Variants in RASSF3 observed in about 807,000 individuals in gnomAD.
The protein encoded by RASSF3 is Ras association domain family member 3, also known as ras association domain-containing protein 3.
A neutral mutation model predicts 19.9 loss-of-function variants in RASSF3; 19 were observed. That is an observed-to-expected ratio of 0.96 (90% confidence interval 0.67 to 1.40). The LOEUF (loss-of-function observed/expected upper bound fraction) is 1.40, where lower values mean the gene tolerates loss of function less well. Among genes scored for constraint, RASSF3 ranks in the 40% most tolerant of loss-of-function variants. The pLI is 0.00. For missense variants in RASSF3, 306 were observed against 289.8 expected (o/e 1.06, Z -0.41); for synonymous variants, 110 against 104.2 (o/e 1.06, Z -0.34).
At chr12:64,665,242 T>G (rs1872508434) in intron 1 of RASSF3, among the ~76,000 whole-genome samples, 1 of 152,206 alleles carries the variant, frequency 6.6e-6, no homozygotes, top group Non-Finnish European at 1.5e-5. Flanking sequence ...CATTTTCTCT[T>G]TTGTGAAATA....
At chr12:64,582,421 A>T (rs573077130) in intron 2 of RASSF3, among the ~76,000 whole-genome samples, 2 of 152,324 alleles carry the variant, frequency 1.3e-5, no homozygotes, top group African/African-American at 4.8e-5. Context: ...TAATTTCATA[A>T]ATCATTGTGC....
chr12:64,689,791 C>CTTATTTTTTTTTTTTTT (rs1868255213), intron 3 of RASSF3, among the ~76,000 whole-genome samples: 1 of 96,556 alleles, frequency 1.0e-5, no homozygotes, highest in Non-Finnish European at 2.0e-5. Context: ...TTCGCTAATT[C>CTTATTTTTTTTTTTTTT]TTTTTTTTTT....
At chr12:64,522,112 G>T (rs1868490571) in intron 1 of RASSF3, among the ~76,000 whole-genome samples, 1 of 152,224 alleles carries the variant, frequency 6.6e-6, no homozygotes, top group South Asian at 2.1e-4. Flanking sequence ...GATGCTTTTG[G>T]AAATGAACTG....
In RASSF3 at chr12:64,610,738, C is replaced by G. The variant is rs771517465; in HGVS notation, c.106C>G (p.Gln36Glu). ...GCCCCAGGGCAAGCCCCGCTCCGGC[C>G]AACAAGTGAGTGGCGCGCGGCGGGC... is the stretch of plus-strand genomic sequence containing the variant. The part of the protein sequence containing the change: ...RAPQGKPRSG[Q>E]QDVEKEKETH... The change falls in exon 1 of 5, where the codon CAA (glutamine) becomes GAA (glutamate). Residue 36 changes from glutamine (Q) to glutamate (E), a missense_variant. Gln to Glu is a conservative substitution (Grantham distance 29). Transcript: ENST00000542104. The G allele has an allele frequency of 6.3e-7, 1 of 1,584,322 alleles. No individual in the cohort carries two copies. Among genetic ancestry groups the G allele is most frequent in the Non-Finnish European group, 8.6e-7 (1 of 1,166,512 alleles).
intron 1 of RASSF3, among the ~76,000 whole-genome samples, chr12:64,657,106 T>G (rs901033568): frequency 4.0e-5 from 6 of 150,872 alleles, no homozygotes; most frequent in African/African-American, 1.5e-4. Flanking sequence ...ATCAACCAGG[T>G]TCAAGCGATT....
chr12:64,674,638 GA>G (rs1872816600), intron 1 of RASSF3, among the ~76,000 whole-genome samples: 1 of 152,176 alleles, frequency 6.6e-6, no homozygotes, highest in African/African-American at 2.4e-5. Context: ...GTATGCACAG[GA>G]AACAACAAGG....
intron 1 of RASSF3, among the ~76,000 whole-genome samples, chr12:64,613,528 A>G (rs1375038252): frequency 6.6e-6 from 1 of 152,208 alleles, no homozygotes; most frequent in African/African-American, 2.4e-5. Context: ...AAGGGAACAT[A>G]GTGCAACTTC....
chr12:64,582,343 C>T (rs2136136026), intron 2 of RASSF3, among the ~76,000 whole-genome samples: 1 of 152,318 alleles, frequency 6.6e-6, no homozygotes, highest in Middle Eastern at 3.4e-3. Flanking sequence ...TTGCTGACAG[C>T]ACCAGCCTGC....
intron 1 of RASSF3, among the ~76,000 whole-genome samples, chr12:64,635,107 C>T (rs2682719): frequency 0.34 from 51,388 of 151,516 alleles, 8,918 homozygotes; most frequent in Non-Finnish European, 0.36. Context: ...GTACATACCA[C>T]TACACCTGGC....
At chr12:64,509,225 G>A (rs1322770469) in intron 1 of RASSF3, among the ~76,000 whole-genome samples, 12 of 152,204 alleles carry the variant, frequency 7.9e-5, no homozygotes, top group African/African-American at 2.9e-4. Context: ...CAAGGTGGGT[G>A]GATCACTTGA....
chr12:64,508,558 C>A (rs1389438923), intron 1 of RASSF3, among the ~76,000 whole-genome samples: 3 of 151,116 alleles, frequency 2.0e-5, no homozygotes, highest in African/African-American at 7.3e-5. Context: ...GATCTATAAT[C>A]ACCAAGGCAG....
intron 1 of RASSF3, among the ~76,000 whole-genome samples, chr12:64,519,770 G>A (rs1868429671): frequency 6.6e-6 from 1 of 151,918 alleles, no homozygotes; most frequent in Admixed American, 6.6e-5. Context: ...TCTCAATAAA[G>A]TGTTTATGTA....
chr12:64,509,712 C>T (rs543440152), intron 1 of RASSF3, among the ~76,000 whole-genome samples: 23 of 152,230 alleles, frequency 1.5e-4, no homozygotes, highest in African/African-American at 4.8e-4. Context: ...CAAAGTAAAG[C>T]TTATTAGTTT....
chr12:64,562,428 GC>G (rs1869363959), intron 2 of RASSF3, among the ~76,000 whole-genome samples: 1 of 152,062 alleles, frequency 6.6e-6, no homozygotes, highest in Admixed American at 6.6e-5. Context: ...AGTTCAAATT[GC>G]CTTCCTAGTA....
intron 2 of RASSF3, among the ~76,000 whole-genome samples, chr12:64,567,572 C>T (rs549634246): frequency 3.8e-4 from 58 of 152,200 alleles, no homozygotes; most frequent in Non-Finnish European, 3.1e-4. Flanking sequence ...AACAGTGACA[C>T]AGCCATGAGG....
chr12:64,638,661 C>G (rs1056586144), intron 1 of RASSF3, among the ~76,000 whole-genome samples: 1 of 152,100 alleles, frequency 6.6e-6, no homozygotes, highest in East Asian at 1.9e-4. Context: ...AGTTGAAGCC[C>G]TTGGGTCTCA....
At chr12:64,657,506 G>T (rs1490841185) in intron 1 of RASSF3, among the ~76,000 whole-genome samples, 2 of 152,136 alleles carry the variant, frequency 1.3e-5, no homozygotes, top group African/African-American at 4.8e-5. Flanking sequence ...GAAAAGAAAG[G>T]GTGGGACCAG....
At chr12:64,621,897 C>T (rs201149315) in intron 1 of RASSF3, among the ~76,000 whole-genome samples, 1 of 152,118 alleles carries the variant, frequency 6.6e-6, no homozygotes, top group Admixed American at 6.5e-5. Context: ...CATAAATAAA[C>T]CCGTGGGATT....
upstream of RASSF3, among the ~76,000 whole-genome samples, chr12:64,610,087 C>G (rs973247856): frequency 6.6e-6 from 1 of 152,088 alleles, no homozygotes; most frequent in Non-Finnish European, 1.5e-5. Flanking sequence ...CCTACAGGAC[C>G]CTGGTGCGGG....
Sources: gnomAD v4.1 joint callset for allele counts (sites outside exome capture counted in the v4.1 genomes callset) on GRCh38, gnomAD v4.1.1 for gene constraint, MANE v1.5 for transcripts, NCBI Gene and HGNC (gene_info 2026-07-23, HGNC 2026-07-21) for gene names.